NRXN1: variants seen among roughly 807,000 people sequenced by gnomAD.
NRXN1 encodes neurexin-1.
A neutral mutation model predicts 150.9 loss-of-function variants in NRXN1; 39 were observed. The observed-to-expected ratio is 0.26, with a 90% CI of 0.20 to 0.34. The LOEUF is 0.34. NRXN1 is among the 10% of genes least tolerant of loss of function. The probability of loss-of-function intolerance (pLI) is 1.00; values close to 1 mark genes in which losing one functional copy is unlikely to be tolerated. For synonymous variants in NRXN1, 924 were observed against 757.0 expected (o/e 1.22, Z -3.62); for missense variants, 1,815 against 1,949.9 (o/e 0.93, Z 1.30).
intron 16 of NRXN1, among the ~76,000 whole-genome samples, chr2:50,468,763 T>G (rs1414004956): frequency 6.6e-6 from 1 of 151,606 alleles, no homozygotes; most frequent in East Asian, 1.9e-4. Context: ...CTTACTTTTC[T>G]GAGGTTCAAT....
chr2:50,531,371 T>C lies in NRXN1; in HGVS notation c.2203A>G (p.Met735Val), dbSNP rs200622829. The C allele has an allele frequency of 4.1e-5, 66 of 1,612,986 alleles. 1 individual carries two copies. In the South Asian group the frequency reaches 7.0e-4, roughly 17 times the overall value. Residue 735 changes from methionine (M) to valine (V), a missense_variant, in exon 11 of 23, where the codon ATG (methionine) becomes GTG (valine). Met to Val is a conservative substitution (Grantham distance 21). Around this residue, in one of 6 missense-constraint regions of NRXN1, gnomAD observed 638 missense variants for 652.6 expected, o/e 0.98. Transcript: ENST00000401669. ...MFMKIQLPVV[M>V]HTEAEDVSLR... ...GAAACATCCTCAGCCTCCGTATGCA[T>C]GACTACGGGGAGCTGAATTTTCATA...
chr2:50,263,604 A>G (rs538759792), intron 17 of NRXN1, among the ~76,000 whole-genome samples: 1 of 152,276 alleles, frequency 6.6e-6, no homozygotes, highest in African/African-American at 2.4e-5. Flanking sequence ...TTAAAAACAT[A>G]GGGACTTAAA....
At chr2:49,931,181 C>A (rs113718579) in intron 22 of NRXN1, among the ~76,000 whole-genome samples, 1 of 152,190 alleles carries the variant, frequency 6.6e-6, no homozygotes, top group Non-Finnish European at 1.5e-5. Flanking sequence ...GGGGGTTGAA[C>A]ACTGACATTA....
chr2:50,632,133 T>C (rs1311215262), intron 5 of NRXN1, among the ~76,000 whole-genome samples: 8 of 152,036 alleles, frequency 5.3e-5, no homozygotes, highest in African/African-American at 1.9e-4. Context: ...AATTTAACTA[T>C]GAAATCATCT....
At chr2:50,128,529 A>C (rs1477327092) in intron 18 of NRXN1, among the ~76,000 whole-genome samples, 2 of 152,224 alleles carry the variant, frequency 1.3e-5, no homozygotes, top group African/African-American at 4.8e-5. Context: ...GATTTCCAAG[A>C]AAATGTGAAT....
In NRXN1 at chr2:50,408,837, A is replaced by ATCTCTCTCTCTCTCTCTCTCTC. The variant is rs10522429; in HGVS notation, c.3364+56583_3364+56604dup. On this transcript the variant is annotated intron_variant, in intron 17 of 22. Transcript: ENST00000401669. ...TCAAGAGTTGGGTGAATCAATCTCA[A>ATCTCTCTCTCTCTCTCTCTCTC]TCTCTCTCTCTCTCTCTCTCTCTCT... Among the ~76,000 whole-genome samples the ATCTCTCTCTCTCTCTCTCTCTC allele has an allele frequency of 1.2e-3, 169 of 136,618 alleles. 1 individual carries two copies. The highest frequency in any genetic ancestry group is 1.8e-3 in the South Asian group (7 of 4,000). The allele number at this position is 136,618 out of a possible 152,430, so 89.6% of individuals were successfully genotyped here.
chr2:50,766,779 C>A (rs148200526), intron 5 of NRXN1, among the ~76,000 whole-genome samples: 4 of 152,106 alleles, frequency 2.6e-5, no homozygotes, highest in Non-Finnish European at 4.4e-5. Context: ...TACATTGTTT[C>A]TCTAGTTCAG....
chr2:50,450,023 C>A (rs1165662619), intron 17 of NRXN1, among the ~76,000 whole-genome samples: 4 of 152,156 alleles, frequency 2.6e-5, no homozygotes, highest in African/African-American at 9.7e-5. Flanking sequence ...TCTCCAAAGT[C>A]TGTTTTTTCT....
At chr2:50,165,008 T>C (rs971514047) in intron 18 of NRXN1, among the ~76,000 whole-genome samples, 1 of 151,326 alleles carries the variant, frequency 6.6e-6, no homozygotes, top group African/African-American at 2.4e-5. Context: ...CACCTGGAGG[T>C]TTCTGAAAGC....
At chr2:50,298,762 T>A (rs1324374154) in intron 17 of NRXN1, among the ~76,000 whole-genome samples, 1 of 152,216 alleles carries the variant, frequency 6.6e-6, no homozygotes, top group Non-Finnish European at 1.5e-5. Flanking sequence ...CTACACATAA[T>A]GTTTGTGAAA....
chr2:50,343,710 A>G (rs1269340527), intron 17 of NRXN1, among the ~76,000 whole-genome samples: 2 of 152,252 alleles, frequency 1.3e-5, no homozygotes, highest in Admixed American at 6.5e-5. Flanking sequence ...AAGCATGGCA[A>G]GATGAGAAAA....
chr2:50,983,776 A>T (rs1697221051), intron 2 of NRXN1, among the ~76,000 whole-genome samples: 1 of 152,096 alleles, frequency 6.6e-6, no homozygotes, highest in African/African-American at 2.4e-5. Context: ...GATCTTGTCT[A>T]TGTAAACAAA....
At chr2:50,865,402 C>T (rs567622548) in intron 5 of NRXN1, among the ~76,000 whole-genome samples, 1 of 151,890 alleles carries the variant, frequency 6.6e-6, no homozygotes, top group Non-Finnish European at 1.5e-5. Context: ...TGTGTTAAAT[C>T]ATCCCAGTTT....
rs911376521 is a variant in NRXN1, at chr2:49,920,645, T to C, written c.*1299A>G. Reference sequence around the variant, plus strand: ...TTTCAATTTGTCAATAAATATTTGCTACTGTATGCACGTTTGGATCTTCCA... The same window carrying C: ...TTTCAATTTGTCAATAAATATTTGCCACTGTATGCACGTTTGGATCTTCCA... On this transcript the variant is annotated 3_prime_UTR_variant, in exon 23 of 23. Transcript: ENST00000401669. The C allele has an allele frequency of 1.3e-5, 2 of 152,248 alleles. No individual in the cohort carries two copies. The highest frequency in any genetic ancestry group is 4.8e-5 in the African/African-American group (2 of 41,352). 9.4% of individuals were successfully genotyped at this position (152,248 alleles called of 1,614,324 possible).
intron 18 of NRXN1, among the ~76,000 whole-genome samples, chr2:50,162,592 G>A (rs890145801): frequency 6.6e-5 from 10 of 151,800 alleles, no homozygotes; most frequent in South Asian, 4.1e-4. Flanking sequence ...AATAAAAAGG[G>A]CACCAAATTC....
chr2:50,079,585 C>T (rs7606811), intron 19 of NRXN1, among the ~76,000 whole-genome samples: 108,191 of 151,892 alleles, frequency 0.71, 38,940 homozygotes, highest in African/African-American at 0.8. Context: ...AGAATTCAGA[C>T]TCTTGAATGT....
rs139834544 is a variant in NRXN1 at position 49,977,587 on chromosome 2, A to C, written c.4129-33796T>G. On this transcript the variant is annotated intron_variant, in intron 21 of 22. Transcript: ENST00000401669. The stretch of plus-strand genomic sequence containing the variant: ...GAGAAGAGAAGGGGACCAAGGACCA[A>C]GCCCTGGGTTTCTCCAATTTTAATA... 6.6e-5 allele frequency among the ~76,000 whole-genome samples: 10 copies of C among 152,326 alleles called. 1 individual carries two copies. Among genetic ancestry groups the C allele is most frequent in the African/African-American group, 1.9e-4 (8 of 41,580 alleles).
chr2:51,029,477 T>C (rs1234319222), intron 1 of NRXN1, among the ~76,000 whole-genome samples: 1 of 152,248 alleles, frequency 6.6e-6, no homozygotes, highest in East Asian at 1.9e-4. Context: ...TATCTTTTTC[T>C]TTTCGCAAGA....
At chr2:50,985,926 C>T (rs1697626729) in intron 2 of NRXN1, among the ~76,000 whole-genome samples, 1 of 151,608 alleles carries the variant, frequency 6.6e-6, no homozygotes, top group Admixed American at 6.6e-5. Flanking sequence ...AAAGATTCTA[C>T]AACTCTCAAA....
Sources: allele counts gnomAD v4.1 joint callset (sites outside exome capture counted in the v4.1 genomes callset), GRCh38; gene constraint gnomAD v4.1.1; regional missense constraint gnomAD v4.1.1; transcripts MANE v1.5; gene names NCBI Gene and HGNC (gene_info 2026-07-23, HGNC 2026-07-21).